GBE1: variants seen among roughly 807,000 people sequenced by gnomAD.
GBE1 encodes the protein 1,4-alpha-glucan branching enzyme 1.
GBE1 carries 70 observed loss-of-function variants against 88.8 expected under a neutral mutation model. That is an observed-to-expected ratio of 0.79 (90% confidence interval 0.65 to 0.96). GBE1 has a LOEUF of 0.96. Ranked by LOEUF, GBE1 falls within the 40% of genes least tolerant of loss-of-function variation. GBE1 has a pLI of 0.00. For missense variants in GBE1, 872 were observed against 871.0 expected (o/e 1.00, Z -0.01); for synonymous variants, 284 against 300.1 (o/e 0.95, Z 0.56).
intron 7 of GBE1, among the ~76,000 whole-genome samples, chr3:81,637,346 T>C (rs1704605480): frequency 6.6e-6 from 1 of 152,130 alleles, no homozygotes; most frequent in Admixed American, 6.5e-5. Flanking sequence ...CATTTAATAT[T>C]TTCAAGCTAA....
chr3:81,686,040 T>C (rs939105282), intron 2 of GBE1, among the ~76,000 whole-genome samples: 2 of 152,186 alleles, frequency 1.3e-5, no homozygotes, highest in Non-Finnish European at 2.9e-5. Context: ...AAACTCCTGG[T>C]TCCCCCTCCT....
chr3:81,522,541 GC>G lies in GBE1; in HGVS notation c.1934+12653del, dbSNP rs372212424. 6.3e-3 allele frequency among the ~76,000 whole-genome samples: 941 copies of G among 150,250 alleles called. 4 individuals carry two copies. The highest frequency in any genetic ancestry group is 0.014 in the African/African-American group (590 of 41,038). Reference sequence around the variant, plus strand: ...GGAAATGCTCTCCTGCTCCCTTCCTGCCCCCCCCAAATTTAAAATATATAAA... The same window carrying G: ...GGAAATGCTCTCCTGCTCCCTTCCTGCCCCCCCAAATTTAAAATATATAAA... On this transcript the variant is annotated intron_variant, in intron 14 of 15. Coordinates refer to ENST00000429644, the MANE Select transcript of GBE1 (RefSeq NM_000158.4).
chr3:81,621,370 T>G (rs1200738801), intron 7 of GBE1, among the ~76,000 whole-genome samples: 1 of 152,162 alleles, frequency 6.6e-6, no homozygotes, highest in Non-Finnish European at 1.5e-5. Flanking sequence ...AAGTTAAGTA[T>G]ATGAAAATGT....
At chr3:81,606,523 G>T (rs1181089547) in intron 7 of GBE1, among the ~76,000 whole-genome samples, 1 of 152,200 alleles carries the variant, frequency 6.6e-6, no homozygotes, top group Non-Finnish European at 1.5e-5. Flanking sequence ...CCTGGTTACA[G>T]GTCCAGTATA....
Position 81,670,934 on chromosome 3 carries a change from C to T in GBE1, c.333G>A (p.Ser111=), listed in dbSNP as rs374518318. ...TGDFNGWNPF[S]YPYKKLDYGK... The stretch of plus-strand genomic sequence containing the variant: ...CATAATCCAGTTTTTTGTATGGGTA[C>T]GAAAATGGATTCCAACCATCTAAAA... Residue 111 remains serine (S), a synonymous_variant, in exon 3 of 16, where the codon TCG becomes TCA. Coordinates refer to ENST00000429644, the MANE Select transcript of GBE1 (RefSeq NM_000158.4). 24 of 1,555,744 alleles carry T rather than the reference C, an allele frequency of 1.5e-5. No individual in the cohort carries two copies. Among genetic ancestry groups the T allele is most frequent in the African/African-American group, 1.4e-4 (10 of 72,048 alleles).
At chr3:81,515,208 C>T (rs1702781080) in intron 14 of GBE1, among the ~76,000 whole-genome samples, 1 of 151,360 alleles carries the variant, frequency 6.6e-6, no homozygotes, top group Non-Finnish European at 1.5e-5. Flanking sequence ...GTGCCATTTT[C>T]CAATAGCATG....
chr3:81,661,210 T>A (rs1013546147), intron 3 of GBE1, among the ~76,000 whole-genome samples: 1 of 152,076 alleles, frequency 6.6e-6, no homozygotes, highest in Non-Finnish European at 1.5e-5. Flanking sequence ...TATGCCCACA[T>A]TGAAGGAAGA....
At chr3:81,515,735 TAA>T (rs1386122901) in intron 14 of GBE1, among the ~76,000 whole-genome samples, 2 of 151,546 alleles carry the variant, frequency 1.3e-5, no homozygotes, top group African/African-American at 4.8e-5. Flanking sequence ...TTCAAAGAAA[TAA>T]GAAGTGCTAC....
At chr3:81,557,014 G>T (rs904165489) in intron 12 of GBE1, among the ~76,000 whole-genome samples, 8 of 152,020 alleles carry the variant, frequency 5.3e-5, no homozygotes, top group African/African-American at 1.9e-4. Flanking sequence ...TCTTACAAAT[G>T]CCCAGTAAAA....
chr3:81,660,675 A>G (rs1008561026), intron 3 of GBE1, among the ~76,000 whole-genome samples: 2 of 151,538 alleles, frequency 1.3e-5, no homozygotes, highest in African/African-American at 2.4e-5. Context: ...TGCTACTGAC[A>G]TATTAGGATG....
At chr3:81,630,938 C>T (rs1249348502) in intron 7 of GBE1, among the ~76,000 whole-genome samples, 1 of 152,138 alleles carries the variant, frequency 6.6e-6, no homozygotes, top group East Asian at 1.9e-4. Context: ...CATGGTGGCT[C>T]ATGCCTATAA....
At chr3:81,503,707 C>T (rs1295340937) in intron 14 of GBE1, among the ~76,000 whole-genome samples, 2 of 152,124 alleles carry the variant, frequency 1.3e-5, no homozygotes, top group East Asian at 1.9e-4. Flanking sequence ...TTGGGAGGTG[C>T]GCGTAAGTCA....
At chr3:81,527,846 A>G (rs1235050488) in intron 14 of GBE1, among the ~76,000 whole-genome samples, 1 of 152,072 alleles carries the variant, frequency 6.6e-6, no homozygotes, top group Non-Finnish European at 1.5e-5. Context: ...ATACCATTTG[A>G]CCCAGTCATC....
At chr3:81,697,633 A>G (rs1009769684) in intron 2 of GBE1, among the ~76,000 whole-genome samples, 1 of 152,142 alleles carries the variant, frequency 6.6e-6, no homozygotes, top group Non-Finnish European at 1.5e-5. Context: ...TCTCTGGGCA[A>G]GCCACCCCAA....
chr3:81,550,565 A>C (rs1703258452), intron 12 of GBE1, among the ~76,000 whole-genome samples: 1 of 152,190 alleles, frequency 6.6e-6, no homozygotes, highest in South Asian at 2.1e-4. Context: ...TTCCCAGATG[A>C]CTAGGCATTC....
chr3:81,615,735 C>T (rs553633988), intron 7 of GBE1, among the ~76,000 whole-genome samples: 122 of 152,290 alleles, frequency 8.0e-4, no homozygotes, highest in Admixed American at 1.4e-3. Context: ...TTACAATGAA[C>T]ATTTAAGTGT....
At chr3:81,518,123 C>A (rs1702822258) in intron 14 of GBE1, among the ~76,000 whole-genome samples, 1 of 151,354 alleles carries the variant, frequency 6.6e-6, no homozygotes, top group Non-Finnish European at 1.5e-5. Context: ...GATACTATTA[C>A]TAGGTGATTA....
At chr3:81,554,005 T>C (rs757616932) in intron 12 of GBE1, among the ~76,000 whole-genome samples, 1 of 152,094 alleles carries the variant, frequency 6.6e-6, no homozygotes, top group Non-Finnish European at 1.5e-5. Flanking sequence ...AAATCGAGAA[T>C]GAGTGTTATA....
chr3:81,705,540 A>G lies in GBE1; in HGVS notation c.217T>C (p.Tyr73His). The change falls in exon 2 of 16, where the codon TAT becomes CAT. Residue 73 changes from tyrosine (Y) to histidine (H), a missense_variant. By Grantham distance (83) the Tyr-to-His change is moderately conservative. Coordinates refer to ENST00000429644, the MANE Select transcript of GBE1 (RefSeq NM_000158.4). Reference protein sequence around the residue: ...EGGIDKFSRGYESFGVHRCAD... With the variant: ...EGGIDKFSRGHESFGVHRCAD... Reference sequence around the variant, plus strand: ...CATCTGTGGACGCCAAATGATTCATAGCCTCTGGAAAACTTATCAATACCA... The same window carrying G: ...CATCTGTGGACGCCAAATGATTCATGGCCTCTGGAAAACTTATCAATACCA... 2 of 1,597,476 alleles carry G rather than the reference A, an allele frequency of 1.3e-6. No individual in the cohort carries two copies. Among genetic ancestry groups the G allele is most frequent in the South Asian group, 1.1e-5 (1 of 88,128 alleles).
Sources: gnomAD v4.1 joint callset for allele counts (sites outside exome capture counted in the v4.1 genomes callset) on GRCh38, gnomAD v4.1.1 for gene constraint, MANE v1.5 for transcripts, NCBI Gene and HGNC (gene_info 2026-07-23, HGNC 2026-07-21) for gene names.